TAS2R1: variants seen among roughly 807,000 people sequenced by gnomAD.
The protein encoded by TAS2R1 is taste 2 receptor member 1.
For missense variants in TAS2R1, 370 were observed against 353.4 expected (o/e 1.05, Z -0.38); for synonymous variants, 141 against 134.2 (o/e 1.05, Z -0.35).
chr5:9,668,136 C>G (rs1424497098), intron 1 of TAS2R1, among the ~76,000 whole-genome samples: 1 of 152,110 alleles, frequency 6.6e-6, no homozygotes, highest in Non-Finnish European at 1.5e-5. Flanking sequence ...ACACAAATAT[C>G]AACAGCAGAA....
the TAS2R1 span, among the ~76,000 whole-genome samples, chr5:9,891,109 G>C: frequency 6.6e-6 from 1 of 152,094 alleles, no homozygotes; most frequent in African/African-American, 2.4e-5. Context: ...TCAGAGTTTT[G>C]ATACAGTATC....
the TAS2R1 span, among the ~76,000 whole-genome samples, chr5:9,868,515 G>T: frequency 6.6e-6 from 1 of 152,176 alleles, no homozygotes; most frequent in African/African-American, 2.4e-5. Context: ...GTTGCACACA[G>T]CAGGGGGGCC....
the TAS2R1 span, among the ~76,000 whole-genome samples, chr5:9,718,318 A>T: frequency 6.6e-6 from 1 of 152,126 alleles, no homozygotes; most frequent in Non-Finnish European, 1.5e-5. Flanking sequence ...TTTGCAACAT[A>T]CATTGCAAAT....
At chr5:9,896,926 C>T in the TAS2R1 span, among the ~76,000 whole-genome samples, 1 of 152,138 alleles carries the variant, frequency 6.6e-6, no homozygotes, top group African/African-American at 2.4e-5. Context: ...CTCCGATCCC[C>T]AAGAAGTCAT....
At chr5:9,706,035 G>A (rs1417292325) in intron 1 of TAS2R1, among the ~76,000 whole-genome samples, 2 of 152,098 alleles carry the variant, frequency 1.3e-5, no homozygotes, top group African/African-American at 4.8e-5. Context: ...AGTCCCTTTG[G>A]CCCTCATACC....
At chr5:9,650,161 A>T (rs1448791968) in intron 2 of TAS2R1, among the ~76,000 whole-genome samples, 2 of 152,304 alleles carry the variant, frequency 1.3e-5, no homozygotes, top group South Asian at 4.1e-4. Flanking sequence ...TACAATAGAA[A>T]AATTTGTATT....
the TAS2R1 span, among the ~76,000 whole-genome samples, chr5:9,799,133 G>A: frequency 6.6e-6 from 1 of 152,140 alleles, no homozygotes; most frequent in South Asian, 2.1e-4. Context: ...AGCGCCACTT[G>A]TCACTAGGTG....
chr5:9,797,528 T>C, the TAS2R1 span, among the ~76,000 whole-genome samples: 3 of 152,006 alleles, frequency 2.0e-5, no homozygotes, highest in Non-Finnish European at 4.4e-5. Flanking sequence ...AAAATTCTAG[T>C]CTATAGAATA....
chr5:9,789,914 C>T, the TAS2R1 span, among the ~76,000 whole-genome samples: 1 of 152,242 alleles, frequency 6.6e-6, no homozygotes, highest in Non-Finnish European at 1.5e-5. Context: ...AATAAAAGAA[C>T]AGCCCCTACT....
chr5:9,653,097 T>C (rs1189729873), intron 2 of TAS2R1, among the ~76,000 whole-genome samples: 1 of 152,188 alleles, frequency 6.6e-6, no homozygotes, highest in African/African-American at 2.4e-5. Flanking sequence ...GTCTCTATGA[T>C]TTGACTACTC....
the TAS2R1 span, among the ~76,000 whole-genome samples, chr5:9,851,945 T>C: frequency 6.6e-6 from 1 of 152,196 alleles, no homozygotes; most frequent in African/African-American, 2.4e-5. Flanking sequence ...AGATAGAGGC[T>C]TGACTAGGGA....
At chr5:9,815,040 T>C in the TAS2R1 span, among the ~76,000 whole-genome samples, 1 of 152,258 alleles carries the variant, frequency 6.6e-6, no homozygotes, top group Non-Finnish European at 1.5e-5. Flanking sequence ...ACATGGGTGA[T>C]GTAAATGAAA....
chr5:9,879,830 T>A, the TAS2R1 span, among the ~76,000 whole-genome samples: 1 of 152,212 alleles, frequency 6.6e-6, no homozygotes, highest in Non-Finnish European at 1.5e-5. Flanking sequence ...AACCATCATT[T>A]TACCATTGTC....
chr5:9,697,780 CTAT>C, intron 1 of TAS2R1, among the ~76,000 whole-genome samples: 1 of 152,100 alleles, frequency 6.6e-6, no homozygotes, highest in South Asian at 2.1e-4. Context: ...ACACCAGCAG[CTAT>C]TATGCTTAAT....
chr5:9,795,860 A>C, the TAS2R1 span, among the ~76,000 whole-genome samples: 1 of 152,288 alleles, frequency 6.6e-6, no homozygotes, highest in East Asian at 1.9e-4. Flanking sequence ...GTGTAATTGA[A>C]TATTGTCATT....
At chr5:9,727,466 C>T in the TAS2R1 span, among the ~76,000 whole-genome samples, 4 of 152,164 alleles carry the variant, frequency 2.6e-5, no homozygotes, top group Non-Finnish European at 4.4e-5. Context: ...GGTAATCTTA[C>T]AGCCGAAAGC....
the TAS2R1 span, among the ~76,000 whole-genome samples, chr5:9,821,363 C>T: frequency 6.6e-6 from 1 of 152,174 alleles, no homozygotes; most frequent in Non-Finnish European, 1.5e-5. Context: ...TATTTCCATG[C>T]TTGGTGAGGA....
At chr5:9,754,706 AAGG>A in the TAS2R1 span, among the ~76,000 whole-genome samples, 5 of 152,212 alleles carry the variant, frequency 3.3e-5, no homozygotes, top group African/African-American at 7.2e-5. Flanking sequence ...GGACCTCTTC[AAGG>A]AGAGCTACAA....
the TAS2R1 span, among the ~76,000 whole-genome samples, chr5:9,781,798 C>T: frequency 6.6e-6 from 1 of 152,186 alleles, no homozygotes; most frequent in African/African-American, 2.4e-5. Flanking sequence ...CTCAGCAAGG[C>T]CCCCTGCATG....
Sources: allele counts gnomAD v4.1 joint callset (sites outside exome capture counted in the v4.1 genomes callset), GRCh38; gene constraint gnomAD v4.1.1; transcripts MANE v1.5; gene names NCBI Gene and HGNC (gene_info 2026-07-23, HGNC 2026-07-21).